Variants in NCSTN observed in about 807,000 individuals in gnomAD.
The protein encoded by NCSTN is nicastrin, also known as anterior pharynx-defective 2.
A neutral mutation model predicts 87.0 loss-of-function variants in NCSTN; 22 were observed. That is an observed-to-expected ratio of 0.25 (90% CI 0.18 to 0.36). NCSTN has a LOEUF of 0.36. Among genes scored for constraint, NCSTN ranks in the 10% least tolerant of loss-of-function variants. The pLI is 1.00. For synonymous variants in NCSTN, 306 were observed against 327.1 expected (o/e 0.94, Z 0.69); for missense variants, 693 against 883.3 (o/e 0.78, Z 2.73).
At chr1:160,343,823 C>G in intron 1 of NCSTN, 2 of 568,252 alleles carry the variant, frequency 3.5e-6, no homozygotes, top group Non-Finnish European at 6.9e-6. Context: ...TAGCTTTCTT[C>G]CTCGCGTTTA....
At chr1:160,353,404 A>T (rs757461705) in intron 10 of NCSTN, 167 bp downstream of exon 10, 8 of 1,511,144 alleles carry the variant, frequency 5.3e-6, no homozygotes, top group Non-Finnish European at 6.2e-6. Flanking sequence ...TGCTGCTGGG[A>T]AGAATCAGGA....
chr1:160,346,536 G>T (rs879289444), intron 2 of NCSTN, among the ~76,000 whole-genome samples: 3 of 151,956 alleles, frequency 2.0e-5, no homozygotes, highest in Non-Finnish European at 2.9e-5. Flanking sequence ...CCATGTCCCT[G>T]CTATACAAAG....
intron 10 of NCSTN, 83 bp downstream of exon 10, chr1:160,353,320 CA>C: frequency 6.2e-7 from 1 of 1,604,922 alleles, no homozygotes; most frequent in Admixed American, 1.7e-5. Context: ...CACCAACCCC[CA>C]GGGCCTGTGA....
At chr1:160,343,563 C>T in intron 1 of NCSTN, 82 bp downstream of exon 1, 1 of 1,259,716 alleles carries the variant, frequency 7.9e-7, no homozygotes, top group South Asian at 1.3e-5. Flanking sequence ...TGTCTCCCTT[C>T]TGGTTCCTGC....
chr1:160,356,856 G>A, intron 15 of NCSTN, 102 bp downstream of exon 15: 1 of 1,505,114 alleles, frequency 6.6e-7, no homozygotes, highest in Non-Finnish European at 9.1e-7. Flanking sequence ...GGGATGGAGA[G>A]GTGGAGAGAT....
Position 160,349,065 on chromosome 1 carries a change from T to C in NCSTN, c.257T>C (p.Leu86Ser), listed in dbSNP as rs1648684383. The change falls in exon 3 of 17, where the codon TTG (leucine) becomes TCG (serine). Residue 86 changes from leucine (L) to serine (S), a missense_variant. By Grantham distance (145) the Leu-to-Ser change is moderately radical. Coordinates refer to ENST00000294785, the MANE Select transcript of NCSTN (RefSeq NM_015331.3). ...VEKEEDLQWV[L>S]TDGPNPPYMV... ...AAAGAGGAGGACCTACAGTGGGTAT[T>C]GACTGATGGCCCCAACCCCCCTTAC... The C allele has an allele frequency of 6.2e-7, 1 of 1,614,054 alleles. No individual in the cohort carries two copies. Among genetic ancestry groups the C allele is most frequent in the South Asian group, 1.1e-5 (1 of 91,080 alleles).
chr1:160,355,615 G>A lies in NCSTN; in HGVS notation c.1353-40G>A, dbSNP rs756765893. 4.6e-5 allele frequency: 68 copies of A among 1,479,830 alleles called. 2 individuals carry two copies. The Admixed American group carries it at 9.2e-4, about 20-fold the overall frequency. The allele number at this position is 1,479,830 out of a possible 1,614,324, so 91.7% of individuals were successfully genotyped here. On this transcript the variant is annotated intron_variant, in intron 11 of 16. Coordinates refer to ENST00000294785, the MANE Select transcript of NCSTN (RefSeq NM_015331.3). ...TGAGGGAGGAAAGGGGCAGAGCCCT[G>A]GCTAAATGTAGCCAAGGCTCATGCC...
intron 10 of NCSTN, 120 bp downstream of exon 10, chr1:160,353,357 T>G (rs751802571): frequency 1.1e-5 from 18 of 1,566,034 alleles, no homozygotes; most frequent in Non-Finnish European, 1.5e-5. Context: ...AGGATTGGAT[T>G]GGGTGTTGGC....
intron 2 of NCSTN, 34 bp from the exon 3 acceptor site, chr1:160,348,965 G>C: frequency 2.5e-6 from 4 of 1,613,908 alleles, no homozygotes; most frequent in Non-Finnish European, 3.4e-6. Context: ...TGTTAACTAT[G>C]GGAGCTTTAA....
chr1:160,355,260 G>A (rs1276975215), intron 11 of NCSTN, among the ~76,000 whole-genome samples: 1 of 152,108 alleles, frequency 6.6e-6, no homozygotes, highest in African/African-American at 2.4e-5. Flanking sequence ...ATCACCTCCT[G>A]CTCCCAGCTA....
chr1:160,343,631 G>A, intron 1 of NCSTN, 150 bp downstream of exon 1: 1 of 830,826 alleles, frequency 1.2e-6, no homozygotes, highest in South Asian at 1.4e-5. Flanking sequence ...CACGACAGAA[G>A]TTCCCCCTTT....
At chr1:160,352,281 A>C (rs1385634159) in intron 8 of NCSTN, 75 bp downstream of exon 8, 2 of 1,578,310 alleles carry the variant, frequency 1.3e-6, no homozygotes, top group Non-Finnish European at 1.7e-6. Context: ...TACTGGTTGG[A>C]GAAGACCTCA....
intron 2 of NCSTN, among the ~76,000 whole-genome samples, chr1:160,346,797 G>T (rs1405188038): frequency 1.3e-5 from 2 of 151,978 alleles, no homozygotes; most frequent in Non-Finnish European, 2.9e-5. Flanking sequence ...AGTAGAGGCG[G>T]GGCTTCACCA....
intron 4 of NCSTN, 130 bp from the exon 5 acceptor site, chr1:160,349,975 C>A: frequency 1.7e-6 from 2 of 1,156,474 alleles, no homozygotes; most frequent in Non-Finnish European, 2.6e-6. Flanking sequence ...AGACTTCATG[C>A]CTACTTCTTT....
At chr1:160,355,583 G>A (rs1257624221) in intron 11 of NCSTN, 72 bp from the exon 12 acceptor site, 10 of 1,072,448 alleles carry the variant, frequency 9.3e-6, no homozygotes, top group Non-Finnish European at 1.5e-5. Context: ...CCTGCATAAG[G>A]AGCATTTGAG....
Position 160,351,386 on chromosome 1 carries a change from G to A in NCSTN, c.733+14G>A, listed in dbSNP as rs376416719. ...GCATCAACCCAGGTAGGGCAGATCC[G>A]AACCATGAGGGTAATGGAATAAGGG... On this transcript the variant is annotated intron_variant, in intron 6 of 16. Transcript: ENST00000294785. The A allele has an allele frequency of 8.1e-6, 13 of 1,613,544 alleles. No individual in the cohort carries two copies. The highest frequency in any genetic ancestry group is 3.3e-4 in the Middle Eastern group (2 of 6,044).
At chr1:160,349,224 C>T (rs1648697025) in intron 3 of NCSTN, 102 bp downstream of exon 3, 9 of 1,502,990 alleles carry the variant, frequency 6.0e-6, no homozygotes, top group Non-Finnish European at 8.3e-6. Context: ...CTGCCCTGGT[C>T]TGGTCAGGGG....
chr1:160,354,302 T>C lies in NCSTN; in HGVS notation c.1352+12T>C, dbSNP rs1649022451. ...GCCTTCCATAACAAGTAAGAATCAC[T>C]TGGCCCTGCACCCTCTTCATTCTTG... On this transcript the variant is annotated intron_variant, in intron 11 of 16. Coordinates refer to ENST00000294785, the MANE Select transcript of NCSTN (RefSeq NM_015331.3). The C allele has an allele frequency of 1.2e-6, 2 of 1,613,844 alleles. No homozygotes were observed. The highest frequency in any genetic ancestry group is 2.2e-5 in the East Asian group (1 of 44,882).
Position 160,353,194 on chromosome 1 carries a change from A to G in NCSTN, c.1136A>G (p.His379Arg). The change falls in exon 10 of 17, where the codon CAC (histidine) becomes CGC (arginine). Residue 379 changes from histidine (H) to arginine (R), a missense_variant. Around this residue, in one of 4 missense-constraint regions of NCSTN, gnomAD observed 108 missense variants for 111.6 expected, o/e 0.97. Coordinates refer to ENST00000294785, the MANE Select transcript of NCSTN (RefSeq NM_015331.3). ...AGAACTTCATTAGAGCTTTGGATGC[A>G]CACAGATCCTGTTTCTCAGAAAAAT... ...ALRTSLELWM[H>R]TDPVSQKNES... The G allele has an allele frequency of 6.2e-7, 1 of 1,614,146 alleles. No individual in the cohort carries two copies. Among genetic ancestry groups the G allele is most frequent in the Non-Finnish European group, 8.5e-7 (1 of 1,180,024 alleles).
Sources: allele counts gnomAD v4.1 joint callset (sites outside exome capture counted in the v4.1 genomes callset), GRCh38; gene constraint gnomAD v4.1.1; regional missense constraint gnomAD v4.1.1; transcripts MANE v1.5; gene names NCBI Gene and HGNC (gene_info 2026-07-23, HGNC 2026-07-21).